The following DHX33 variants were observed in gnomAD, a reference collection of about 807,000 sequenced individuals.
The protein encoded by DHX33 is DEAH-box helicase 33, also known as ATP-dependent RNA helicase DHX33.
In DHX33, 42 loss-of-function variants were observed where a neutral mutation model predicts 72.5. The observed-to-expected ratio is 0.58, with a 90% CI of 0.45 to 0.75. The LOEUF (loss-of-function observed/expected upper bound fraction) is 0.75, where lower values mean the gene tolerates loss of function less well. Ranked by LOEUF, DHX33 falls within the 30% of genes least tolerant of loss-of-function variation. The probability of loss-of-function intolerance (pLI) is 0.00; values close to 1 mark genes in which losing one functional copy is unlikely to be tolerated. For synonymous variants in DHX33, 358 were observed against 366.1 expected (o/e 0.98, Z 0.25); for missense variants, 842 against 917.5 (o/e 0.92, Z 1.06).
intron 4 of DHX33, among the ~76,000 whole-genome samples, chr17:5,460,055 C>G (rs1025983372): frequency 6.7e-6 from 1 of 149,188 alleles, no homozygotes; most frequent in African/African-American, 2.5e-5. Flanking sequence ...CGCCCTGTCA[C>G]CCAGGCTGGA....
rs533518080 is a variant in DHX33 at position 5,468,834 on chromosome 17, G to A, written c.26C>T (p.Pro9Leu). Residue 9 changes from proline to leucine, a missense_variant, in exon 1 of 12, where the codon CCG becomes CTG. Pro to Leu is a moderately conservative substitution (Grantham distance 98). Transcript: ENST00000225296. MPEEAGFP[P>L]AKRFRPGSGP... ...AGAGCCTGGCCGGAATCTCTTGGCCGGCGGGAAGCCCGCCTCCTCCGGCAT... is the reference window on the plus strand; with the variant it reads ...AGAGCCTGGCCGGAATCTCTTGGCCAGCGGGAAGCCCGCCTCCTCCGGCAT... The A allele has an allele frequency of 6.4e-6, 10 of 1,566,462 alleles. No homozygotes were observed. The highest frequency in any genetic ancestry group is 1.4e-5 in the African/African-American group (1 of 73,570).
intron 7 of DHX33, 54 bp from the exon 8 acceptor site, chr17:5,453,722 G>C: frequency 6.2e-7 from 1 of 1,612,120 alleles, no homozygotes; most frequent in Non-Finnish European, 8.5e-7. Flanking sequence ...CATTGAGTCA[G>C]AACCCCTCAT....
At position 5,453,981 on chromosome 17, in the gene DHX33, C is replaced by A; in HGVS notation, c.1148-1G>T. 1 of 1,613,206 alleles carries A rather than the reference C, an allele frequency of 6.2e-7. No individual in the cohort carries two copies. The highest frequency in any genetic ancestry group is 8.5e-7 in the Non-Finnish European group (1 of 1,179,770). ...ACTGCTAACACCTCAAGACCACTGT[C>A]TGGATGGAGAGTGAGCCCCATTAGT... On this transcript the variant is annotated splice_acceptor_variant, in intron 6 of 11. Coordinates refer to ENST00000225296, the MANE Select transcript of DHX33 (RefSeq NM_020162.4). LOFTEE classifies it high-confidence loss of function.
chr17:5,468,962 T>C lies in DHX33; in HGVS notation c.-103A>G. 3.0e-6 allele frequency: 3 copies of C among 1,012,788 alleles called. No homozygotes were observed. The highest frequency in any genetic ancestry group is 1.4e-5 in the South Asian group (1 of 69,016). The allele number at this position is 1,012,788 out of a possible 1,614,324, so 62.7% of individuals were successfully genotyped here. On this transcript the variant is annotated 5_prime_UTR_variant, in exon 1 of 12. Transcript: ENST00000225296. Reference sequence around the variant, plus strand: ...CCGCCCCTTCCTCGCCGCCACGTGCTGGCGGCTCCCGGCGACCACCGATGA... The same window carrying C: ...CCGCCCCTTCCTCGCCGCCACGTGCCGGCGGCTCCCGGCGACCACCGATGA...
chr17:5,449,250 T>G (rs566268580), intron 10 of DHX33, among the ~76,000 whole-genome samples: 1 of 152,346 alleles, frequency 6.6e-6, no homozygotes, highest in Admixed American at 6.5e-5. Flanking sequence ...AAACTTGAAG[T>G]TTCCCAGATT....
intron 8 of DHX33, among the ~76,000 whole-genome samples, chr17:5,452,750 C>T (rs142106144): frequency 3.3e-5 from 5 of 152,186 alleles, no homozygotes; most frequent in African/African-American, 9.6e-5. Context: ...TAAATAAAAT[C>T]AAACACACTA....
intron 5 of DHX33, among the ~76,000 whole-genome samples, chr17:5,455,514 C>G (rs968609483): frequency 2.6e-5 from 4 of 152,168 alleles, no homozygotes; most frequent in African/African-American, 9.7e-5. Flanking sequence ...GAATCAGAAG[C>G]AAGTAGATGT....
chr17:5,466,181 C>G (rs1439231828), intron 1 of DHX33, among the ~76,000 whole-genome samples: 1 of 152,182 alleles, frequency 6.6e-6, no homozygotes, highest in Non-Finnish European at 1.5e-5. Context: ...TGAGTACCCA[C>G]ACAACTGTCA....
rs542546604 is a variant in DHX33, at chr17:5,449,506, G to A, written c.1729-611C>T. 9.8e-4 allele frequency among the ~76,000 whole-genome samples: 149 copies of A among 152,176 alleles called. 1 individual carries two copies. Among genetic ancestry groups the A allele is most frequent in the African/African-American group, 3.5e-3 (145 of 41,534 alleles). On this transcript the variant is annotated intron_variant, in intron 10 of 11. Transcript: ENST00000225296. ...GGCTGGAGTGCAGTGGCACGATCTC[G>A]GCTCACTGCAACCTCTGCCTCCCAG...
chr17:5,463,453 A>G (rs1904732660), intron 2 of DHX33, 76 bp downstream of exon 2: 2 of 1,464,388 alleles, frequency 1.4e-6, no homozygotes, highest in Admixed American at 2.0e-5. Flanking sequence ...TCTTGTTTAG[A>G]AAAATAAAAG....
At position 5,449,192 on chromosome 17, in the gene DHX33, C is replaced by A. The variant is rs894458403; in HGVS notation, c.1729-297G>T. Among the ~76,000 whole-genome samples, 2 of 152,198 alleles carry A rather than the reference C, an allele frequency of 1.3e-5. 1 individual carries two copies. The highest frequency in any genetic ancestry group is 2.9e-5 in the Non-Finnish European group (2 of 68,000). On this transcript the variant is annotated intron_variant, in intron 10 of 11. Coordinates refer to ENST00000225296, the MANE Select transcript of DHX33 (RefSeq NM_020162.4). ...GAAACGTAGGAAAATATCTTTATAT[C>A]AAAAAACATGAACTATAAGAAAAGT...
intron 1 of DHX33, among the ~76,000 whole-genome samples, chr17:5,467,094 A>G (rs1179035853): frequency 6.6e-6 from 1 of 152,202 alleles, no homozygotes; most frequent in Non-Finnish European, 1.5e-5. Context: ...AACGTAAAGA[A>G]AAGGCTAAAA....
chr17:5,468,910 C>G lies in DHX33; in HGVS notation c.-51G>C, dbSNP rs1051268019. On this transcript the variant is annotated 5_prime_UTR_variant, in exon 1 of 12. Transcript: ENST00000225296. The stretch of plus-strand genomic sequence containing the variant: ...CGCAAGCGCCGAGAGCTCCTGCCCC[C>G]TCTCAGGTGCAGACAACAGGAGCAC... The G allele has an allele frequency of 1.1e-5, 17 of 1,544,488 alleles. No homozygotes were observed. Among genetic ancestry groups the G allele is most frequent in the Admixed American group, 3.9e-5 (2 of 50,846 alleles).
intron 4 of DHX33, among the ~76,000 whole-genome samples, chr17:5,459,616 G>C (rs1430701597): frequency 6.6e-6 from 1 of 151,894 alleles, no homozygotes; most frequent in Non-Finnish European, 1.5e-5. Context: ...TTTTAGTAGA[G>C]ACAAGTCTTG....
At chr17:5,461,819 G>C (rs1904638855) in intron 3 of DHX33, among the ~76,000 whole-genome samples, 1 of 151,224 alleles carries the variant, frequency 6.6e-6, no homozygotes, top group Non-Finnish European at 1.5e-5. Context: ...AAAGTGCTGG[G>C]ATTACAGGCG....
chr17:5,462,062 C>T (rs1904652908), intron 3 of DHX33, among the ~76,000 whole-genome samples: 1 of 151,222 alleles, frequency 6.6e-6, no homozygotes, highest in South Asian at 2.1e-4. Flanking sequence ...GCCTCAGCCA[C>T]CCAAGTAGCT....
chr17:5,448,359 C>T (rs907204531), intron 11 of DHX33, among the ~76,000 whole-genome samples: 2 of 152,182 alleles, frequency 1.3e-5, no homozygotes, highest in Admixed American at 1.3e-4. Context: ...CTAGAAGGAG[C>T]TACCCCAAAC....
At position 5,468,813 on chromosome 17, in the gene DHX33, C is replaced by T; in HGVS notation, c.47G>A (p.Gly16Asp). 1.9e-6 allele frequency: 3 copies of T among 1,586,504 alleles called. No homozygotes were observed. Among genetic ancestry groups the T allele is most frequent in the Non-Finnish European group, 2.6e-6 (3 of 1,166,966 alleles). The change falls in exon 1 of 12, where the codon GGC (glycine) becomes GAC (aspartate). Residue 16 changes from glycine (G) to aspartate (D), a missense_variant. Gly to Asp is a moderately conservative substitution (Grantham distance 94). Transcript: ENST00000225296. ...GFPPAKRFRPGSGPPSRAGSF... is the reference protein window; with the variant it reads ...GFPPAKRFRPDSGPPSRAGSF... ...CCCAGCGCGGCTCGGAGGTCCAGAG[C>T]CTGGCCGGAATCTCTTGGCCGGCGG...
At chr17:5,467,821 C>T (rs1361235517) in intron 1 of DHX33, among the ~76,000 whole-genome samples, 1 of 152,188 alleles carries the variant, frequency 6.6e-6, no homozygotes, top group African/African-American at 2.4e-5. Flanking sequence ...AGAAAGGGCT[C>T]CTGACCGAAA....
Sources: allele counts gnomAD v4.1 joint callset (sites outside exome capture counted in the v4.1 genomes callset), GRCh38; gene constraint gnomAD v4.1.1; transcripts MANE v1.5; gene names NCBI Gene and HGNC (gene_info 2026-07-23, HGNC 2026-07-21).